Variants in THSD4 observed in about 807,000 individuals in gnomAD.
The protein encoded by THSD4 is thrombospondin type 1 domain containing 4, also known as thrombospondin type-1 domain-containing protein 4.
A neutral mutation model predicts 119.0 loss-of-function variants in THSD4; 69 were observed. That is an observed-to-expected ratio of 0.58 (90% CI 0.48 to 0.71). The LOEUF is 0.71. Among genes scored for constraint, THSD4 ranks in the 30% least tolerant of loss-of-function variants. The pLI is 0.00. For synonymous variants in THSD4, 524 were observed against 540.4 expected (o/e 0.97, Z 0.42); for missense variants, 1,393 against 1,391.1 (o/e 1.00, Z -0.02).
At chr15:71,442,644 A>ATGTGTG (rs1322209972) in intron 7 of THSD4, among the ~76,000 whole-genome samples, 2,115 of 38,004 alleles carry the variant, frequency 0.056, 292 homozygotes, top group Admixed American at 0.082. Context: ...GTGTGTGTAT[A>ATGTGTG]TGTGTGTGTG....
chr15:71,742,375 A>G (rs1394222726), intron 11 of THSD4, among the ~76,000 whole-genome samples: 1 of 152,164 alleles, frequency 6.6e-6, no homozygotes, highest in Non-Finnish European at 1.5e-5. Context: ...TAGAGTTCCA[A>G]GTCTAAAGTC....
intron 6 of THSD4, among the ~76,000 whole-genome samples, chr15:71,335,438 C>T (rs907782146): frequency 6.6e-6 from 1 of 152,002 alleles, no homozygotes; most frequent in Non-Finnish European, 1.5e-5. Context: ...AATCTTTATC[C>T]CTTAGAACCT....
intron 7 of THSD4, among the ~76,000 whole-genome samples, chr15:71,485,577 C>T (rs188024502): frequency 5.9e-5 from 9 of 152,092 alleles, no homozygotes; most frequent in Non-Finnish European, 1.2e-4. Context: ...CCTTGCTGGG[C>T]AGAAGGAGGC....
chr15:71,293,295 G>T (rs575853540), intron 6 of THSD4, among the ~76,000 whole-genome samples: 1 of 152,234 alleles, frequency 6.6e-6, no homozygotes, highest in South Asian at 2.1e-4. Flanking sequence ...TTTCCTCTCA[G>T]GTGGTTGGTT....
chr15:71,572,443 A>G (rs1055299322), intron 7 of THSD4, among the ~76,000 whole-genome samples: 22 of 152,296 alleles, frequency 1.4e-4, no homozygotes, highest in African/African-American at 4.8e-4. Context: ...TACACAGTAT[A>G]CCACTTTCTT....
chr15:71,366,660 C>A (rs954562714), intron 6 of THSD4, among the ~76,000 whole-genome samples: 2 of 152,164 alleles, frequency 1.3e-5, no homozygotes, highest in African/African-American at 4.8e-5. Flanking sequence ...GATTTCAAAT[C>A]AATGCAGTCT....
At chr15:71,738,180 T>A in intron 11 of THSD4, 173 bp downstream of exon 11, 1 of 797,670 alleles carries the variant, frequency 1.3e-6, no homozygotes, top group South Asian at 1.8e-5. Flanking sequence ...GAAACTGCCC[T>A]ATCGCAGATC....
intron 1 of THSD4, among the ~76,000 whole-genome samples, chr15:71,131,042 C>A (rs903660123): frequency 6.6e-6 from 1 of 152,216 alleles, no homozygotes; most frequent in African/African-American, 2.4e-5. Flanking sequence ...CTGTGCCCGG[C>A]CAATAAATGT....
intron 8 of THSD4, among the ~76,000 whole-genome samples, chr15:71,720,980 G>T (rs781171531): frequency 6.6e-6 from 1 of 152,340 alleles, no homozygotes; most frequent in East Asian, 1.9e-4. Flanking sequence ...CAAACATTTA[G>T]ATCATAGTCA....
chr15:71,658,322 C>T (rs2051231316), intron 7 of THSD4, among the ~76,000 whole-genome samples: 2 of 152,234 alleles, frequency 1.3e-5, no homozygotes, highest in South Asian at 4.1e-4. Flanking sequence ...GTGTTCTTTC[C>T]TACCTGTGTA....
chr15:71,612,432 T>A (rs1204014534), intron 7 of THSD4, among the ~76,000 whole-genome samples: 2 of 152,124 alleles, frequency 1.3e-5, no homozygotes, highest in Admixed American at 6.5e-5. Context: ...AGAGGGAGGA[T>A]CTGGAATTCA....
At position 71,610,539 on chromosome 15, in the gene THSD4, G is replaced by C. The variant is rs1327311541; in HGVS notation, c.1153-49991G>C. Among the ~76,000 whole-genome samples the C allele has an allele frequency of 2.6e-5, 4 of 152,196 alleles. No individual in the cohort carries two copies. The East Asian group carries it at 7.7e-4, about 29-fold the overall frequency. On this transcript the variant is annotated intron_variant, in intron 7 of 17. Transcript: ENST00000261862. ...TTCAGAAACAGTCTGTCCTGCAACA[G>C]CATGGAGATGACAACAGGGACAGGT...
chr15:71,335,930 G>C (rs144773956), intron 6 of THSD4, among the ~76,000 whole-genome samples: 33 of 152,294 alleles, frequency 2.2e-4, no homozygotes, highest in Middle Eastern at 3.4e-3. Flanking sequence ...AAGGGCATGG[G>C]GGTGGGTTGT....
intron 6 of THSD4, among the ~76,000 whole-genome samples, chr15:71,293,199 G>A (rs2044816982): frequency 6.6e-6 from 1 of 152,188 alleles, no homozygotes; most frequent in South Asian, 2.1e-4. Context: ...GGGGTAGTTG[G>A]TTGATGAGCT....
Position 71,141,346 on chromosome 15 carries a change from T to G in THSD4, c.-79-103T>G. 4.9e-6 allele frequency: 3 copies of G among 616,226 alleles called. No individual in the cohort carries two copies. In the South Asian group the frequency reaches 7.1e-5, roughly 15 times the overall value. 38.2% of individuals were successfully genotyped at this position (616,226 alleles called of 1,614,324 possible). A position where few individuals can be genotyped will look rare whatever the true frequency, so the allele number is the denominator to read the frequency against. On this transcript the variant is annotated intron_variant, in intron 1 of 17. Coordinates refer to ENST00000261862, the MANE Select transcript of THSD4 (RefSeq NM_024817.3). The stretch of plus-strand genomic sequence containing the variant: ...GGAACCATAACTGGGCACTTTTGTT[T>G]TAGTATCTTCCATTTGCTCATTTCT...
chr15:71,573,748 G>A (rs1011188498), intron 7 of THSD4, among the ~76,000 whole-genome samples: 1 of 152,136 alleles, frequency 6.6e-6, no homozygotes, highest in South Asian at 2.1e-4. Context: ...TGTTTCTGAA[G>A]GATTATGAGC....
intron 3 of THSD4, 146 bp from the exon 4 acceptor site, chr15:71,214,889 C>CT (rs1330639999): frequency 2.5e-6 from 3 of 1,185,020 alleles, no homozygotes; most frequent in Non-Finnish European, 3.1e-6. Context: ...AAAACCGACT[C>CT]TAAGCCAGGC....
At chr15:71,757,070 A>C (rs2053551795) in intron 14 of THSD4, among the ~76,000 whole-genome samples, 1 of 152,214 alleles carries the variant, frequency 6.6e-6, no homozygotes, top group Non-Finnish European at 1.5e-5. Flanking sequence ...TCTGCAAAGC[A>C]CATTATACAG....
At chr15:71,510,151 G>C (rs754241015) in intron 7 of THSD4, among the ~76,000 whole-genome samples, 12 of 152,156 alleles carry the variant, frequency 7.9e-5, no homozygotes, top group Non-Finnish European at 1.6e-4. Flanking sequence ...TTGTTGCATT[G>C]ATAGAACACC....
Sources: allele counts gnomAD v4.1 joint callset (sites outside exome capture counted in the v4.1 genomes callset), GRCh38; gene constraint gnomAD v4.1.1; transcripts MANE v1.5; gene names NCBI Gene and HGNC (gene_info 2026-07-23, HGNC 2026-07-21).